The following ABHD5 variants were observed in gnomAD, a reference collection of about 807,000 sequenced individuals.
The protein encoded by ABHD5 is abhydrolase domain containing 5, lysophosphatidic acid acyltransferase.
ABHD5 carries 30 observed loss-of-function variants against 44.9 expected under a neutral mutation model. That is an observed-to-expected ratio of 0.67 (90% CI 0.50 to 0.91). The LOEUF is 0.91. Among genes scored for constraint, ABHD5 ranks in the 40% least tolerant of loss-of-function variants. The pLI, the probability that ABHD5 is intolerant of heterozygous loss-of-function variation, is 0.00. For synonymous variants in ABHD5, 167 were observed against 147.0 expected (o/e 1.14, Z -0.99); for missense variants, 399 against 423.4 (o/e 0.94, Z 0.50).
intron 4 of ABHD5, among the ~76,000 whole-genome samples, chr3:43,714,397 T>A (rs1409250282): frequency 1.3e-5 from 2 of 152,136 alleles, no homozygotes; most frequent in African/African-American, 2.4e-5. Flanking sequence ...TCTCCCAAAG[T>A]GCTGGGATTA....
rs960320155 is a variant in ABHD5 at position 43,699,353 on chromosome 3, T to C, written c.125T>C (p.Met42Thr). Residue 42 changes from methionine to threonine, a missense_variant, in exon 2 of 7, where the codon ATG becomes ACG. Met to Thr is a moderately conservative substitution (Grantham distance 81). Coordinates refer to ENST00000644371, the MANE Select transcript of ABHD5 (RefSeq NM_016006.6). ...CACCTTAAAGAAGCTGAAGAGAAGA[T>C]GTTAAAATGTAAGGCTTTCTTCTTG... is the stretch of plus-strand genomic sequence containing the variant. ...ISHLKEAEEKMLKCVPCTYKK... is the reference protein window; with the variant it reads ...ISHLKEAEEKTLKCVPCTYKK... 1.9e-6 allele frequency: 3 copies of C among 1,612,944 alleles called. No homozygotes were observed. Among genetic ancestry groups the C allele is most frequent in the Non-Finnish European group, 2.5e-6 (3 of 1,178,944 alleles).
chr3:43,728,988 A>T (rs2084896394), intron 7 of ABHD5, among the ~76,000 whole-genome samples: 1 of 152,232 alleles, frequency 6.6e-6, no homozygotes, highest in Admixed American at 6.5e-5. Context: ...GGTTTCTAAC[A>T]TGTTTGCTGG....
intron 4 of ABHD5, 75 bp downstream of exon 4, chr3:43,711,938 A>C: frequency 6.2e-7 from 1 of 1,600,058 alleles, no homozygotes; most frequent in Non-Finnish European, 8.6e-7. Flanking sequence ...TGTTAGTCAA[A>C]ATCTTAAAAA....
intron 3 of ABHD5, among the ~76,000 whole-genome samples, chr3:43,706,191 G>C (rs1428468593): frequency 6.6e-6 from 1 of 152,118 alleles, no homozygotes; most frequent in South Asian, 2.1e-4. Context: ...GTTTTCTCTG[G>C]TGCAATAGAG....
intron 7 of ABHD5, among the ~76,000 whole-genome samples, chr3:43,731,120 G>T (rs899589676): frequency 1.3e-4 from 20 of 152,256 alleles, no homozygotes; most frequent in African/African-American, 4.6e-4. Context: ...GAGCCACTGC[G>T]CCCGGCCCTA....
intron 5 of ABHD5, among the ~76,000 whole-genome samples, chr3:43,717,032 ATGG>A (rs1177104018): frequency 6.6e-6 from 1 of 152,084 alleles, no homozygotes; most frequent in East Asian, 1.9e-4. Context: ...TTAGCTGGGC[ATGG>A]TGGTGCGTGC....
At position 43,710,408 on chromosome 3, in the gene ABHD5, G is replaced by A. The variant is rs79599436; in HGVS notation, c.507-1301G>A. Among the ~76,000 whole-genome samples the A allele has an allele frequency of 7.2e-5, 11 of 152,140 alleles. No individual in the cohort carries two copies. The East Asian group carries it at 1.4e-3, about 19-fold the overall frequency. ...AAAGCCTTCTGCCCAATTCCTTGTC[G>A]GCATCTGCTGGTATGCTGGGGTAGA... On this transcript the variant is annotated intron_variant, in intron 3 of 6. Transcript: ENST00000644371.
intron 1 of ABHD5, among the ~76,000 whole-genome samples, chr3:43,694,526 C>G (rs2084446195): frequency 6.6e-6 from 1 of 152,026 alleles, no homozygotes; most frequent in Non-Finnish European, 1.5e-5. Flanking sequence ...ATGTCACTGA[C>G]TTGTTAAGTA....
intron 4 of ABHD5, among the ~76,000 whole-genome samples, chr3:43,713,987 G>A (rs1199762115): frequency 6.6e-6 from 1 of 152,090 alleles, no homozygotes; most frequent in African/African-American, 2.4e-5. Flanking sequence ...GAGTCATGGG[G>A]TAGTGGTAGC....
intron 1 of ABHD5, among the ~76,000 whole-genome samples, chr3:43,695,576 A>G (rs2084463652): frequency 1.3e-5 from 2 of 152,234 alleles, no homozygotes; most frequent in Non-Finnish European, 1.5e-5. Flanking sequence ...AGATTTCTGC[A>G]TATTTTCTTC....
chr3:43,721,580 A>T lies in ABHD5; in HGVS notation c.*3048A>T, dbSNP rs1026449393. On this transcript the variant is annotated 3_prime_UTR_variant, in exon 7 of 7. Coordinates refer to ENST00000644371, the MANE Select transcript of ABHD5 (RefSeq NM_016006.6). ...GCTCTACCAAAAAAAAAAAAAAAAA[A>T]AAATTAAGTACCTGGCCTGGGTTCC... 2 of 151,734 alleles carry T rather than the reference A, an allele frequency of 1.3e-5. No individual in the cohort carries two copies. The highest frequency in any genetic ancestry group is 4.8e-5 in the African/African-American group (2 of 41,326). 9.4% of individuals were successfully genotyped at this position (151,734 alleles called of 1,614,324 possible). A position where few individuals can be genotyped will look rare whatever the true frequency, so the allele number is the denominator to read the frequency against.
At position 43,722,503 on chromosome 3, in the gene ABHD5, TTACA is replaced by T. The variant is rs1329683051; in HGVS notation, c.*3975_*3978del. On this transcript the variant is annotated 3_prime_UTR_variant, in exon 7 of 7. Transcript: ENST00000644371. Reference sequence around the variant, plus strand: ...CAAGGATGGCAACTATTTCTGTATCTTACATACCTTTTATTTTGAGGCCCTGTCA... The same window carrying T: ...CAAGGATGGCAACTATTTCTGTATCTTACCTTTTATTTTGAGGCCCTGTCA... 6.6e-6 allele frequency: 1 copy of T among 152,238 alleles called. No individual in the cohort carries two copies. Among genetic ancestry groups the T allele is most frequent in the Admixed American group, 6.5e-5 (1 of 15,284 alleles). The allele number at this position is 152,238 out of a possible 1,614,324, so 9.4% of individuals were successfully genotyped here.
intron 1 of ABHD5, among the ~76,000 whole-genome samples, chr3:43,697,227 C>A (rs763675886): frequency 1.3e-5 from 2 of 151,962 alleles, no homozygotes; most frequent in African/African-American, 4.8e-5. Flanking sequence ...TTTTGAGTGT[C>A]GTTTTTTAAA....
rs2084362698 is a variant in ABHD5, at chr3:43,690,990, G to C, written c.-3G>C. ...AAGTCCCGGCGCTTGCGCGGCGGCG[G>C]CTATGGCGGCGGAGGAGGAGGAGGT... On this transcript the variant is annotated 5_prime_UTR_variant, in exon 1 of 7. Transcript: ENST00000644371. 6.4e-7 allele frequency: 1 copy of C among 1,573,418 alleles called. No homozygotes were observed. Among genetic ancestry groups the C allele is most frequent in the African/African-American group, 1.4e-5 (1 of 70,920 alleles).
In ABHD5 at chr3:43,701,612, T is replaced by TG. The variant is rs776065104; in HGVS notation, c.134-601dup. 1.2e-4 allele frequency among the ~76,000 whole-genome samples: 18 copies of TG among 152,240 alleles called. 1 individual carries two copies. The highest frequency in any genetic ancestry group is 2.1e-4 in the Non-Finnish European group (14 of 68,044). ...GCTTTTTCTAGGAGATTACTAGAGT[T>TG]GGACCCAAGTTACCTGGTGTGTCAT... On this transcript the variant is annotated intron_variant, in intron 2 of 6. Coordinates refer to ENST00000644371, the MANE Select transcript of ABHD5 (RefSeq NM_016006.6).
At chr3:43,734,126 C>T (rs533599511) in exon 8 of ABHD5, 19 of 152,290 alleles carry the variant, frequency 1.2e-4, no homozygotes, top group Admixed American at 1.2e-3. Flanking sequence ...GCAACTACCC[C>T]CAACTGTCAG....
At chr3:43,718,378 A>T in intron 6 of ABHD5, 65 bp from the exon 7 acceptor site, 2 of 1,305,386 alleles carry the variant, frequency 1.5e-6, no homozygotes, top group Non-Finnish European at 2.2e-6. Flanking sequence ...GTCTTTGCTT[A>T]TATATCATTC....
At chr3:43,694,679 T>C (rs6797141) in intron 1 of ABHD5, among the ~76,000 whole-genome samples, 3,285 of 151,966 alleles carry the variant, frequency 0.022, 69 homozygotes, top group African/African-American at 0.053. Context: ...AAAACACTTA[T>C]ACTACCAATC....
intron 7 of ABHD5, among the ~76,000 whole-genome samples, chr3:43,731,350 A>G (rs1229040826): frequency 3.3e-5 from 5 of 152,240 alleles, no homozygotes; most frequent in Non-Finnish European, 7.3e-5. Context: ...AATGGGAACT[A>G]TCTCCAAAGT....
Sources: allele counts gnomAD v4.1 joint callset (sites outside exome capture counted in the v4.1 genomes callset), GRCh38; gene constraint gnomAD v4.1.1; transcripts MANE v1.5; gene names NCBI Gene and HGNC (gene_info 2026-07-23, HGNC 2026-07-21).